GFOD1: variants seen among roughly 807,000 people sequenced by gnomAD.
GFOD1 encodes the protein glucose-fructose oxidoreductase domain-containing protein 1.
GFOD1 carries 9 observed loss-of-function variants against 25.4 expected under a neutral mutation model. The ratio of observed to expected loss-of-function variants is 0.35; its 90% CI spans 0.21 to 0.62. The LOEUF is 0.62. GFOD1 is among the 20% of genes least tolerant of loss of function. The probability of loss-of-function intolerance (pLI) is 0.72; values close to 1 mark genes in which losing one functional copy is unlikely to be tolerated. For missense variants in GFOD1, 403 were observed against 556.9 expected (o/e 0.72, Z 2.78); for synonymous variants, 253 against 245.6 (o/e 1.03, Z -0.28).
intron 1 of GFOD1, among the ~76,000 whole-genome samples, chr6:13,457,790 G>A (rs1344004388): frequency 3.3e-5 from 5 of 152,178 alleles, no homozygotes; most frequent in African/African-American, 1.2e-4. Context: ...AAATGAACTT[G>A]GGGGCTTCCA....
At chr6:13,394,172 ACATT>A (rs1466772420) in intron 1 of GFOD1, among the ~76,000 whole-genome samples, 2 of 152,184 alleles carry the variant, frequency 1.3e-5, no homozygotes, top group African/African-American at 2.4e-5. Context: ...TGTTAGTCAC[ACATT>A]ATCTTTTTCA....
intron 1 of GFOD1, among the ~76,000 whole-genome samples, chr6:13,381,898 A>AAC (rs1193294437): frequency 7.2e-6 from 1 of 139,466 alleles, no homozygotes; most frequent in East Asian, 2.1e-4. Flanking sequence ...AGAGAAATAA[A>AAC]ACACACACGC....
chr6:13,419,460 G>A (rs376034857), intron 1 of GFOD1, among the ~76,000 whole-genome samples: 1 of 152,088 alleles, frequency 6.6e-6, no homozygotes, highest in Admixed American at 6.5e-5. Flanking sequence ...CTCCTGGACT[G>A]TGGCAGTAGC....
At chr6:13,420,010 G>A (rs910416873) in intron 1 of GFOD1, among the ~76,000 whole-genome samples, 2 of 152,206 alleles carry the variant, frequency 1.3e-5, no homozygotes, top group African/African-American at 4.8e-5. Context: ...CTGAGAAGGT[G>A]TGTGAGCTCC....
chr6:13,487,189 G>T lies in GFOD1; in HGVS notation c.-299C>A. On this transcript the variant is annotated 5_prime_UTR_variant, in exon 1 of 2. Transcript: ENST00000379287. The surrounding 1 kb of genome is among the most constrained non-coding windows in gnomAD (Gnocchi z 4.9). ...GCCGGAGGCTTCGAAGCCCCCTGGAGCCCCGGCTCAGGCTGCGCTCCCGCG... is the reference window on the plus strand; with the variant it reads ...GCCGGAGGCTTCGAAGCCCCCTGGATCCCCGGCTCAGGCTGCGCTCCCGCG... The T allele has an allele frequency of 3.0e-6, 1 of 333,412 alleles. No homozygotes were observed. The highest frequency in any genetic ancestry group is 7.9e-4 in the Middle Eastern group (1 of 1,258). 20.7% of individuals were successfully genotyped at this position (333,412 alleles called of 1,614,324 possible). A position where few individuals can be genotyped will look rare whatever the true frequency, so the allele number is the denominator to read the frequency against.
chr6:13,390,923 G>A (rs821292), intron 1 of GFOD1, among the ~76,000 whole-genome samples: 70,652 of 151,986 alleles, frequency 0.46, 17,962 homozygotes, highest in Admixed American at 0.58. Flanking sequence ...AGGAAGTGCC[G>A]AATAAACACT....
At chr6:13,437,962 T>C (rs1757859596) in intron 1 of GFOD1, among the ~76,000 whole-genome samples, 1 of 152,058 alleles carries the variant, frequency 6.6e-6, no homozygotes, top group Non-Finnish European at 1.5e-5. Context: ...AAAAATAAAA[T>C]AAAATATGGA....
chr6:13,466,669 T>C (rs540155084), intron 1 of GFOD1, among the ~76,000 whole-genome samples: 42 of 152,268 alleles, frequency 2.8e-4, no homozygotes, highest in Non-Finnish European at 4.9e-4. Context: ...TACTTCTTCT[T>C]TGGCAAAACT....
At chr6:13,459,836 A>G (rs552054892) in intron 1 of GFOD1, among the ~76,000 whole-genome samples, 21 of 152,340 alleles carry the variant, frequency 1.4e-4, no homozygotes, top group African/African-American at 4.6e-4. Context: ...TGATTATTAA[A>G]AAGTCAAGAG....
intron 1 of GFOD1, among the ~76,000 whole-genome samples, chr6:13,448,707 C>T (rs1758045940): frequency 1.3e-5 from 2 of 152,188 alleles, no homozygotes; most frequent in Non-Finnish European, 2.9e-5. Context: ...GGGCATACAG[C>T]TAAAGTCAGT....
chr6:13,451,157 A>T (rs1758090139), intron 1 of GFOD1, among the ~76,000 whole-genome samples: 1 of 152,230 alleles, frequency 6.6e-6, no homozygotes, highest in African/African-American at 2.4e-5. Context: ...CTGAAAGAAC[A>T]TCTGGTTCAT....
intron 1 of GFOD1, among the ~76,000 whole-genome samples, chr6:13,452,532 C>T (rs943483199): frequency 3.8e-4 from 58 of 152,172 alleles, no homozygotes; most frequent in Admixed American, 2.9e-3. Flanking sequence ...AGGGCTCGCT[C>T]CCTTCCTGTT....
intron 1 of GFOD1, among the ~76,000 whole-genome samples, chr6:13,394,789 T>C (rs917674945): frequency 2.6e-5 from 4 of 152,056 alleles, no homozygotes; most frequent in African/African-American, 9.7e-5. Context: ...CGTGCCACCA[T>C]GCCCGGCTAA....
At chr6:13,451,103 G>A (rs986928201) in intron 1 of GFOD1, among the ~76,000 whole-genome samples, 3 of 152,198 alleles carry the variant, frequency 2.0e-5, no homozygotes, top group South Asian at 2.1e-4. Flanking sequence ...AACTCCTGCC[G>A]GAGTTTTTAG....
chr6:13,425,374 G>A (rs901778714), intron 1 of GFOD1, among the ~76,000 whole-genome samples: 2 of 152,172 alleles, frequency 1.3e-5, no homozygotes, highest in Admixed American at 1.3e-4. Context: ...GGTCCCAGAA[G>A]TAGTAAGAGG....
At chr6:13,438,625 T>G (rs577299009) in intron 1 of GFOD1, among the ~76,000 whole-genome samples, 1 of 152,164 alleles carries the variant, frequency 6.6e-6, no homozygotes, top group Non-Finnish European at 1.5e-5. Context: ...CCAACATATA[T>G]ATTATTTATA....
intron 1 of GFOD1, among the ~76,000 whole-genome samples, chr6:13,393,780 C>CTTTTTT (rs70989854): frequency 2.5e-4 from 30 of 120,242 alleles, no homozygotes; most frequent in South Asian, 7.8e-4. Context: ...TTTTTCTTTT[C>CTTTTTT]TTTTTTTTTT....
At chr6:13,470,698 T>C in intron 1 of GFOD1, 6 of 1,439,764 alleles carry the variant, frequency 4.2e-6, no homozygotes, top group Non-Finnish European at 4.6e-6. Context: ...CTTTTGATTA[T>C]TCATATTCAT....
chr6:13,447,368 A>G (rs1283907391), intron 1 of GFOD1, among the ~76,000 whole-genome samples: 1 of 152,160 alleles, frequency 6.6e-6, no homozygotes, highest in Non-Finnish European at 1.5e-5. Flanking sequence ...CCTTTTTATA[A>G]GAACATCCGA....
Sources: allele counts gnomAD v4.1 joint callset (sites outside exome capture counted in the v4.1 genomes callset), GRCh38; gene constraint gnomAD v4.1.1; non-coding constraint Gnocchi (gnomAD v3.1); transcripts MANE v1.5; gene names NCBI Gene and HGNC (gene_info 2026-07-23, HGNC 2026-07-21).